Variants in KATNAL2 observed in about 807,000 individuals in gnomAD.
KATNAL2 encodes katanin p60 ATPase-containing subunit A-like 2.
A neutral mutation model predicts 76.3 loss-of-function variants in KATNAL2; 52 were observed. The ratio of observed to expected loss-of-function variants is 0.68; its 90% CI spans 0.55 to 0.86. KATNAL2 has a LOEUF of 0.86. Among genes scored for constraint, KATNAL2 ranks in the 40% least tolerant of loss-of-function variants. KATNAL2 has a pLI of 0.00. For synonymous variants in KATNAL2, 243 were observed against 244.2 expected (o/e 1.00, Z 0.05); for missense variants, 660 against 668.9 (o/e 0.99, Z 0.15).
intron 15 of KATNAL2, among the ~76,000 whole-genome samples, chr18:47,085,309 A>C (rs917258485): frequency 2.6e-5 from 4 of 152,170 alleles, no homozygotes; most frequent in African/African-American, 9.7e-5. Context: ...AAGAGATCTG[A>C]TCTAACCAAC....
At position 47,093,186 on chromosome 18, in the gene KATNAL2, G is replaced by A. The variant is rs969272153; in HGVS notation, c.1212-6057G>A. 4.6e-5 allele frequency among the ~76,000 whole-genome samples: 7 copies of A among 152,136 alleles called. No homozygotes were observed. In the East Asian group the frequency reaches 1.2e-3, roughly 25 times the overall value. ...AACTGAGGCATAGGTTTAGGGACTC[G>A]CTGAGTTAAATCTTCATGCCTGCCT... is the stretch of plus-strand genomic sequence containing the variant. On this transcript the variant is annotated intron_variant, in intron 15 of 17. Transcript: ENST00000683218.
intron 3 of KATNAL2, among the ~76,000 whole-genome samples, chr18:46,951,636 A>G (rs1202336494): frequency 1.3e-5 from 2 of 152,028 alleles, no homozygotes; most frequent in Admixed American, 1.3e-4. Flanking sequence ...ACTATCTGAG[A>G]AAAGATATAT....
At chr18:46,957,249 CTTTTTT>C (rs1223846865) in intron 3 of KATNAL2, among the ~76,000 whole-genome samples, 2 of 73,912 alleles carry the variant, frequency 2.7e-5, no homozygotes, top group African/African-American at 1.1e-4. Flanking sequence ...TTGCCCTCTT[CTTTTTT>C]TTTTTTTTTT....
At chr18:47,086,566 C>T (rs1252876629) in intron 15 of KATNAL2, among the ~76,000 whole-genome samples, 5 of 152,206 alleles carry the variant, frequency 3.3e-5, no homozygotes, top group Admixed American at 1.3e-4. Context: ...CCACCTGCCT[C>T]GGCCTCCCAA....
chr18:47,071,430 A>G (rs1361282893), intron 13 of KATNAL2, among the ~76,000 whole-genome samples: 2 of 152,166 alleles, frequency 1.3e-5, no homozygotes, highest in Non-Finnish European at 1.5e-5. Context: ...AGGTTCTGGA[A>G]CCAATCTCTT....
intron 3 of KATNAL2, chr18:47,033,113 T>G: frequency 6.2e-7 from 1 of 1,614,098 alleles, no homozygotes; most frequent in Non-Finnish European, 8.5e-7. Context: ...GCGTGCTCAT[T>G]GCTGCTGCTC....
intron 16 of KATNAL2, 140 bp downstream of exon 16, chr18:47,099,545 T>C: frequency 1.4e-6 from 1 of 728,934 alleles, no homozygotes; most frequent in Non-Finnish European, 2.1e-6. Context: ...GCAATGGGCA[T>C]CTTCACGAAG....
chr18:46,959,279 C>G (rs952404466), intron 3 of KATNAL2, among the ~76,000 whole-genome samples: 1 of 152,168 alleles, frequency 6.6e-6, no homozygotes, highest in African/African-American at 2.4e-5. Flanking sequence ...TGCTCTGTTC[C>G]GCTCATATAC....
intron 6 of KATNAL2, among the ~76,000 whole-genome samples, chr18:47,056,686 T>C (rs923458023): frequency 6.6e-6 from 1 of 152,182 alleles, no homozygotes; most frequent in Non-Finnish European, 1.5e-5. Context: ...GCTCTTGTAT[T>C]TTGGTCTTGT....
At chr18:46,920,105 C>T (rs1399679452) in intron 1 of KATNAL2, 2 of 1,289,322 alleles carry the variant, frequency 1.6e-6, no homozygotes, top group Admixed American at 4.6e-5. Flanking sequence ...TCTGCCCCTT[C>T]CTCAATGTGT....
intron 6 of KATNAL2, among the ~76,000 whole-genome samples, chr18:47,056,735 A>G (rs1285206602): frequency 6.6e-6 from 1 of 152,180 alleles, no homozygotes. Flanking sequence ...CCAATGGGAA[A>G]TCAAAGTGGG....
chr18:47,086,073 A>G (rs2098819714), intron 15 of KATNAL2, among the ~76,000 whole-genome samples: 1 of 152,058 alleles, frequency 6.6e-6, no homozygotes, highest in Non-Finnish European at 1.5e-5. Context: ...AGCCTGGGCA[A>G]CAGAGCTGCA....
At chr18:47,068,726 G>A (rs982288887) in intron 11 of KATNAL2, among the ~76,000 whole-genome samples, 4 of 152,150 alleles carry the variant, frequency 2.6e-5, no homozygotes, top group Admixed American at 2.0e-4. Context: ...GTTCAGCGTT[G>A]GTGTCTCTTA....
chr18:47,054,021 C>A (rs2061406240), intron 5 of KATNAL2, among the ~76,000 whole-genome samples: 1 of 152,190 alleles, frequency 6.6e-6, no homozygotes, highest in South Asian at 2.1e-4. Flanking sequence ...GTGTTCCCTG[C>A]CAGATTCGTG....
At chr18:47,090,878 T>G (rs2062973248) in intron 15 of KATNAL2, among the ~76,000 whole-genome samples, 1 of 152,188 alleles carries the variant, frequency 6.6e-6, no homozygotes, top group Admixed American at 6.5e-5. Context: ...CAAAGTACCC[T>G]TCAATGCTTA....
chr18:46,946,257 C>T lies in KATNAL2; in HGVS notation c.-309C>T, dbSNP rs1451363810. The T allele has an allele frequency of 1.2e-5, 13 of 1,106,892 alleles. No individual in the cohort carries two copies. Among genetic ancestry groups the T allele is most frequent in the Admixed American group, 4.3e-5 (1 of 23,436 alleles). The allele number at this position is 1,106,892 out of a possible 1,614,324, so 68.6% of individuals were successfully genotyped here. A position where few individuals can be genotyped will look rare whatever the true frequency, so the allele number is the denominator to read the frequency against. Reference sequence around the variant, plus strand: ...CAGAGGAAAACACGTCCATGTTTTTCCACGTCTAATGAGAACAGGTCTGAT... The same window carrying T: ...CAGAGGAAAACACGTCCATGTTTTTTCACGTCTAATGAGAACAGGTCTGAT... On this transcript the variant is annotated 5_prime_UTR_variant, in exon 2 of 18. Transcript: ENST00000683218.
At chr18:47,041,361 C>T (rs2060957719) in intron 3 of KATNAL2, among the ~76,000 whole-genome samples, 2 of 152,138 alleles carry the variant, frequency 1.3e-5, no homozygotes, top group South Asian at 2.1e-4. Flanking sequence ...CCTATTCATC[C>T]CTTCCTCCCC....
intron 3 of KATNAL2, among the ~76,000 whole-genome samples, chr18:46,955,616 T>C (rs549980571): frequency 3.3e-5 from 5 of 152,268 alleles, no homozygotes; most frequent in South Asian, 2.1e-4. Context: ...CTGGAATGCA[T>C]TGGTGCCATC....
chr18:47,046,593 C>T (rs1400523691), intron 4 of KATNAL2, 66 bp downstream of exon 4: 17 of 1,100,714 alleles, frequency 1.5e-5, no homozygotes, highest in Admixed American at 4.1e-5. Context: ...TTTCCAGATG[C>T]GTACTTTTAA....
Sources: gnomAD v4.1 joint callset for allele counts (sites outside exome capture counted in the v4.1 genomes callset) on GRCh38, gnomAD v4.1.1 for gene constraint, MANE v1.5 for transcripts, NCBI Gene and HGNC (gene_info 2026-07-23, HGNC 2026-07-21) for gene names.